ITPR2: variants seen among roughly 807,000 people sequenced by gnomAD.
ITPR2 encodes inositol 1,4,5-trisphosphate receptor type 2, also known as inositol 1,4,5-trisphosphate-gated calcium channel ITPR2.
In ITPR2, 207 loss-of-function variants were observed where a neutral mutation model predicts 317.1. The ratio of observed to expected loss-of-function variants is 0.65; its 90% CI spans 0.58 to 0.73. The LOEUF is 0.73. ITPR2 is among the 30% of genes least tolerant of loss of function. The pLI is 0.00. For synonymous variants in ITPR2, 1,156 were observed against 1,149.1 expected (o/e 1.01, Z -0.12); for missense variants, 2,613 against 3,284.0 (o/e 0.80, Z 4.99).
chr12:26,820,834 T>C (rs1485158882), intron 1 of ITPR2, among the ~76,000 whole-genome samples: 1 of 152,180 alleles, frequency 6.6e-6, no homozygotes, highest in East Asian at 1.9e-4. Context: ...GCAACATGGA[T>C]GAACCTTGAA....
intron 8 of ITPR2, 145 bp downstream of exon 8, chr12:26,715,149 CAGCAA>C: frequency 1.6e-6 from 1 of 631,938 alleles, no homozygotes; most frequent in South Asian, 2.7e-5. Context: ...AAATTGGTCA[CAGCAA>C]TGAATAGGCA....
chr12:26,547,488 T>C (rs1488254407), intron 37 of ITPR2, among the ~76,000 whole-genome samples: 1 of 152,196 alleles, frequency 6.6e-6, no homozygotes, highest in African/African-American at 2.4e-5. Context: ...TGAAAAACAG[T>C]ACAGAGATTT....
intron 54 of ITPR2, among the ~76,000 whole-genome samples, chr12:26,393,716 A>G (rs941654274): frequency 3.9e-4 from 59 of 152,346 alleles, no homozygotes; most frequent in African/African-American, 1.4e-3. Context: ...TGAAGCTTCT[A>G]GAAAACAGAC....
intron 55 of ITPR2, among the ~76,000 whole-genome samples, chr12:26,383,605 T>A (rs1481528691): frequency 1.3e-5 from 2 of 151,346 alleles, no homozygotes; most frequent in Non-Finnish European, 2.9e-5. Context: ...TGCCTCAGCC[T>A]CCCGAGTAGC....
At chr12:26,371,062 A>G (rs1939174163) in intron 55 of ITPR2, among the ~76,000 whole-genome samples, 1 of 152,228 alleles carries the variant, frequency 6.6e-6, no homozygotes, top group African/African-American at 2.4e-5. Context: ...TGTTGTCTCC[A>G]GGGACCAGGA....
At position 26,764,763 on chromosome 12, in the gene ITPR2, T is replaced by A. The variant is rs74840069; in HGVS notation, c.163+25394A>T. Among the ~76,000 whole-genome samples the A allele has an allele frequency of 7.9e-5, 12 of 151,978 alleles. No individual in the cohort carries two copies. In the East Asian group the frequency reaches 2.1e-3, roughly 27 times the overall value. On this transcript the variant is annotated intron_variant, in intron 2 of 56. Coordinates refer to ENST00000381340, the MANE Select transcript of ITPR2 (RefSeq NM_002223.4). ...CTGAACAGACACCTTACCAGAGAAA[T>A]TATATAGATGGCAAATAAACCAATA...
intron 55 of ITPR2, among the ~76,000 whole-genome samples, chr12:26,383,466 TTTTGTTTG>T (rs144997730): frequency 0.04 from 6,100 of 151,422 alleles, 668 homozygotes; most frequent in East Asian, 0.29. Context: ...TTCTATGTTT[TTTTGTTTG>T]TTTGTTTGTT....
chr12:26,448,376 G>GA (rs1203779312), intron 45 of ITPR2, among the ~76,000 whole-genome samples: 2 of 151,026 alleles, frequency 1.3e-5, no homozygotes, highest in Non-Finnish European at 3.0e-5. Context: ...CCATGGGGGG[G>GA]AAATCTCTGG....
At chr12:26,586,727 T>C (rs1431717241) in intron 32 of ITPR2, among the ~76,000 whole-genome samples, 1 of 152,202 alleles carries the variant, frequency 6.6e-6, no homozygotes, top group Non-Finnish European at 1.5e-5. Context: ...AAGAATATTC[T>C]ACATACTTGA....
chr12:26,417,566 C>G (rs1479491634), intron 50 of ITPR2, among the ~76,000 whole-genome samples: 1 of 152,150 alleles, frequency 6.6e-6, no homozygotes, highest in Non-Finnish European at 1.5e-5. Context: ...TCTCCTCTCT[C>G]TCTTCTGCCA....
At chr12:26,600,217 G>T in intron 28 of ITPR2, 108 bp from the exon 29 acceptor site, 2 of 888,830 alleles carry the variant, frequency 2.3e-6, no homozygotes, top group South Asian at 1.8e-5. Flanking sequence ...GCCCATCTTT[G>T]ATCTCCTTTC....
rs1276945416 is a variant in ITPR2 at position 26,653,975 on chromosome 12, C to T, written c.2740+1G>A. The T allele has an allele frequency of 6.2e-7, 1 of 1,607,070 alleles. No individual in the cohort carries two copies. The highest frequency in any genetic ancestry group is 8.5e-7 in the Non-Finnish European group (1 of 1,175,678). On this transcript the variant is annotated splice_donor_variant, in intron 21 of 56. Transcript: ENST00000381340. LOFTEE classifies it high-confidence loss of function. ...ATTATCACATTTCCCAAAATTCTTA[C>T]CTCCATCTTGAAATTTGCTTAATCT...
chr12:26,677,926 G>T (rs1282491994), intron 13 of ITPR2, among the ~76,000 whole-genome samples: 1 of 152,130 alleles, frequency 6.6e-6, no homozygotes, highest in Non-Finnish European at 1.5e-5. Flanking sequence ...CCCTATTCTA[G>T]ATCCTGGGCT....
chr12:26,542,051 C>A (rs529782766), intron 37 of ITPR2, among the ~76,000 whole-genome samples: 1 of 152,344 alleles, frequency 6.6e-6, no homozygotes, highest in South Asian at 2.1e-4. Context: ...GTAAAGATCA[C>A]AGCTCTCAAT....
At position 26,663,726 on chromosome 12, in the gene ITPR2, G is replaced by T. The variant is rs966719746; in HGVS notation, c.1672C>A (p.Arg558Ser). Residue 558 changes from arginine to serine, a missense_variant, in exon 15 of 57, where the codon CGC (arginine) becomes AGC (serine). Physicochemically the swap from Arg to Ser is moderately radical, Grantham distance 110. Coordinates refer to ENST00000381340, the MANE Select transcript of ITPR2 (RefSeq NM_002223.4). ...TCCTGCTGCGAGTGTCTCAGGACGC[G>T]GTAACAGAGCCGCAGCATGTACTTG... The part of the protein sequence containing the change: ...PYKYMLRLCY[R>S]VLRHSQQDYR... 1 of 1,613,396 alleles carries T rather than the reference G, an allele frequency of 6.2e-7. No individual in the cohort carries two copies. The highest frequency in any genetic ancestry group is 1.3e-5 in the African/African-American group (1 of 74,992).
chr12:26,487,144 T>C lies in ITPR2; in HGVS notation c.5478A>G (p.Thr1826=). 1 of 1,613,214 alleles carries C rather than the reference T, an allele frequency of 6.2e-7. No homozygotes were observed. The highest frequency in any genetic ancestry group is 8.5e-7 in the Non-Finnish European group (1 of 1,179,302). Residue 1826 remains threonine (T), a synonymous_variant, in exon 40 of 57, where the codon ACA becomes ACG. Transcript: ENST00000381340. ...AAQKEIRSTV[T]VNTIDLGNKK... is the part of the protein sequence containing the mutation. The stretch of plus-strand genomic sequence containing the variant: ...TGTTACCTAAATCTATGGTATTAAC[T>C]GTCACTGTTGATCTTATTTCTTTCT...
chr12:26,392,398 G>A (rs115734867), intron 54 of ITPR2, among the ~76,000 whole-genome samples: 12 of 151,914 alleles, frequency 7.9e-5, no homozygotes, highest in African/African-American at 2.9e-4. Context: ...TCTCTTTTCT[G>A]CCTTCCAAGT....
chr12:26,507,792 T>A (rs1485275022), intron 37 of ITPR2, among the ~76,000 whole-genome samples: 1 of 152,048 alleles, frequency 6.6e-6, no homozygotes, highest in East Asian at 1.9e-4. Context: ...AGGTTGCTGA[T>A]GCTGATCTAA....
chr12:26,675,606 T>C (rs1288356946), intron 13 of ITPR2, among the ~76,000 whole-genome samples: 1 of 151,794 alleles, frequency 6.6e-6, no homozygotes, highest in African/African-American at 2.4e-5. Context: ...AGATGACGAG[T>C]TAGTGGGTAC....
Sources: gnomAD v4.1 joint callset for allele counts (sites outside exome capture counted in the v4.1 genomes callset) on GRCh38, gnomAD v4.1.1 for gene constraint, MANE v1.5 for transcripts, NCBI Gene and HGNC (gene_info 2026-07-23, HGNC 2026-07-21) for gene names.